Variants in GRM7 observed in about 807,000 individuals in gnomAD.
The protein encoded by GRM7 is metabotropic glutamate receptor 7.
A neutral mutation model predicts 84.5 loss-of-function variants in GRM7; 35 were observed. The ratio of observed to expected loss-of-function variants is 0.41; its 90% CI spans 0.32 to 0.55. The LOEUF (loss-of-function observed/expected upper bound fraction) is 0.55, where lower values mean the gene tolerates loss of function less well. GRM7 is among the 20% of genes least tolerant of loss of function. The pLI is 0.19. For missense variants in GRM7, 1,003 were observed against 1,194.6 expected (o/e 0.84, Z 2.36); for synonymous variants, 487 against 455.1 (o/e 1.07, Z -0.89).
chr3:7,359,648 C>A (rs766565127), intron 4 of GRM7, among the ~76,000 whole-genome samples: 1 of 147,920 alleles, frequency 6.8e-6, no homozygotes, highest in Non-Finnish European at 1.5e-5. Flanking sequence ...CAATCCTATT[C>A]CCTTTAAATG....
chr3:7,217,975 A>T (rs1184020745), intron 2 of GRM7, among the ~76,000 whole-genome samples: 2 of 152,020 alleles, frequency 1.3e-5, no homozygotes, highest in Non-Finnish European at 1.5e-5. Context: ...TTATGACTTT[A>T]GTATATGATA....
intron 2 of GRM7, among the ~76,000 whole-genome samples, chr3:7,271,431 C>T (rs929051212): frequency 4.6e-5 from 7 of 151,600 alleles, no homozygotes; most frequent in Admixed American, 2.6e-4. Flanking sequence ...TGGTGGCGGG[C>T]GCCTGTAGTC....
chr3:7,423,138 C>G (rs1696464830), intron 5 of GRM7, among the ~76,000 whole-genome samples: 1 of 152,268 alleles, frequency 6.6e-6, no homozygotes, highest in South Asian at 2.1e-4. Context: ...CATTTTAATT[C>G]AGAGCACACT....
At chr3:7,691,149 G>GT (rs754529660) in intron 9 of GRM7, 92 of 503,380 alleles carry the variant, frequency 1.8e-4, no homozygotes, top group Middle Eastern at 1.3e-3. Context: ...CTATTCTCAT[G>GT]TTTTTTTTCA....
rs185341104 is a variant in GRM7, at chr3:7,079,934, A to C, written c.520-66518A>C. 4.6e-5 allele frequency among the ~76,000 whole-genome samples: 7 copies of C among 152,232 alleles called. No homozygotes were observed. The East Asian group carries it at 1.2e-3, about 25-fold the overall frequency. ...TTTGTTCATTTGTTTTTCTAGCTGG[A>C]AATTCTGATGCCAGAGTTTGCTTAA... On this transcript the variant is annotated intron_variant, in intron 1 of 9. Transcript: ENST00000357716.
At chr3:7,384,949 A>G (rs182429051) in intron 4 of GRM7, among the ~76,000 whole-genome samples, 25 of 152,310 alleles carry the variant, frequency 1.6e-4, no homozygotes, top group South Asian at 8.3e-4. Context: ...TAAACAATAG[A>G]TGTAATACTG....
intron 1 of GRM7, among the ~76,000 whole-genome samples, chr3:7,009,402 A>T (rs1387737871): frequency 6.6e-6 from 1 of 152,272 alleles, no homozygotes; most frequent in Non-Finnish European, 1.5e-5. Context: ...TGAAGTTTGT[A>T]GTACTGACCC....
chr3:7,524,953 A>G (rs1575450902), intron 7 of GRM7, among the ~76,000 whole-genome samples: 1 of 148,254 alleles, frequency 6.7e-6, no homozygotes, highest in African/African-American at 2.6e-5. Context: ...TGATGAGTTC[A>G]TGTCCTTTAT....
At chr3:7,321,784 TA>T (rs1025956894) in intron 4 of GRM7, among the ~76,000 whole-genome samples, 1 of 152,152 alleles carries the variant, frequency 6.6e-6, no homozygotes, top group African/African-American at 2.4e-5. Flanking sequence ...TTATTCTACA[TA>T]AGCCAAGTGA....
chr3:7,721,116 C>T (rs1202380593), intron 9 of GRM7, among the ~76,000 whole-genome samples: 2 of 152,228 alleles, frequency 1.3e-5, no homozygotes, highest in Non-Finnish European at 2.9e-5. Flanking sequence ...ATTGCATCAT[C>T]TAGGACTCAT....
intron 2 of GRM7, among the ~76,000 whole-genome samples, chr3:7,246,938 AAG>A (rs1451612295): frequency 1.3e-5 from 2 of 152,156 alleles, no homozygotes; most frequent in African/African-American, 4.8e-5. Flanking sequence ...TAGTAATCAA[AAG>A]AGTATTACAT....
intron 1 of GRM7, among the ~76,000 whole-genome samples, chr3:6,946,044 G>A (rs1367254634): frequency 1.3e-5 from 2 of 152,132 alleles, no homozygotes; most frequent in Non-Finnish European, 2.9e-5. Context: ...CTTTTGCTGT[G>A]CAGAAGCTCT....
At chr3:7,075,087 T>C (rs1343402165) in intron 1 of GRM7, among the ~76,000 whole-genome samples, 1 of 152,164 alleles carries the variant, frequency 6.6e-6, no homozygotes, top group Non-Finnish European at 1.5e-5. Context: ...GCAAGTTAGA[T>C]GAAAAAAGGT....
intron 1 of GRM7, among the ~76,000 whole-genome samples, chr3:7,002,516 C>G (rs1249813222): frequency 2.0e-5 from 3 of 152,066 alleles, no homozygotes; most frequent in African/African-American, 7.2e-5. Flanking sequence ...TTATTGAACA[C>G]CTGCTGTATC....
At chr3:7,129,396 C>G (rs1021711117) in intron 1 of GRM7, among the ~76,000 whole-genome samples, 1 of 152,184 alleles carries the variant, frequency 6.6e-6, no homozygotes, top group African/African-American at 2.4e-5. Flanking sequence ...TCCATTCCTT[C>G]TATATTCCTT....
chr3:7,421,115 T>C (rs540328663), intron 5 of GRM7, among the ~76,000 whole-genome samples: 7 of 152,328 alleles, frequency 4.6e-5, no homozygotes, highest in African/African-American at 1.7e-4. Flanking sequence ...GCTAACTCTA[T>C]GGGTTTGCTT....
In GRM7 at chr3:7,151,565, T is replaced by A. The variant is rs904762220; in HGVS notation, c.736+4897T>A. The stretch of plus-strand genomic sequence containing the variant: ...TGCCCATTGTTAGTCTTTGCCAATT[T>A]ACTTTAAGCTCCATAAGGGCAAGGA... On this transcript the variant is annotated intron_variant, in intron 2 of 9. Coordinates refer to ENST00000357716, the MANE Select transcript of GRM7 (RefSeq NM_000844.4). This position sits in a 1 kb window ranked among gnomAD's most constrained non-coding sequence, Gnocchi z 4.5. Among the ~76,000 whole-genome samples the A allele has an allele frequency of 8.5e-5, 13 of 152,226 alleles. No homozygotes were observed. The highest frequency in any genetic ancestry group is 3.1e-4 in the African/African-American group (13 of 41,454).
chr3:7,455,428 T>G (rs1697966517), intron 6 of GRM7, among the ~76,000 whole-genome samples: 1 of 151,984 alleles, frequency 6.6e-6, no homozygotes, highest in Admixed American at 6.6e-5. Flanking sequence ...TGGAGAAAAC[T>G]GGGAGATAGC....
chr3:7,574,970 C>T (rs1038813047), intron 7 of GRM7, among the ~76,000 whole-genome samples: 13 of 152,172 alleles, frequency 8.5e-5, no homozygotes, highest in Admixed American at 2.0e-4. Context: ...TTAACAATGG[C>T]ATATTCGTTC....
Sources: allele counts gnomAD v4.1 joint callset (sites outside exome capture counted in the v4.1 genomes callset), GRCh38; gene constraint gnomAD v4.1.1; non-coding constraint Gnocchi (gnomAD v3.1); transcripts MANE v1.5; gene names NCBI Gene and HGNC (gene_info 2026-07-23, HGNC 2026-07-21).